Variants in NT5DC3 observed in about 807,000 individuals in gnomAD.
NT5DC3 encodes 5'-nucleotidase domain-containing protein 3.
A neutral mutation model predicts 67.8 loss-of-function variants in NT5DC3; 42 were observed. The observed-to-expected ratio is 0.62, with a 90% CI of 0.48 to 0.80. NT5DC3 has a LOEUF of 0.80. Ranked by LOEUF, NT5DC3 falls within the 30% of genes least tolerant of loss-of-function variation. The pLI is 0.00. For missense variants in NT5DC3, 570 were observed against 696.4 expected, an observed-to-expected ratio of 0.82 and a Z score of 2.04; for synonymous variants, 237 against 255.6, an observed-to-expected ratio of 0.93 and a Z score of 0.69.
At chr12:103,747,325 A>T in the NT5DC3 span, among the ~76,000 whole-genome samples, 1 of 152,168 alleles carries the variant, frequency 6.6e-6, no homozygotes, top group Non-Finnish European at 1.5e-5. Flanking sequence ...GGCATAAATA[A>T]GGCAGATGTT....
chr12:103,780,929 T>C (rs1885523174), intron 12 of NT5DC3, among the ~76,000 whole-genome samples: 1 of 152,186 alleles, frequency 6.6e-6, no homozygotes. Flanking sequence ...AGTAGAATTA[T>C]AAATAAACCT....
Position 103,797,109 on chromosome 12 carries a change from A to G in NT5DC3, c.616-78T>C. ...AGAGCCACGAAGCACCAGGAACAGC[A>G]GGAAGCCTTTTCCGTGACTAAACGA... is the stretch of plus-strand genomic sequence containing the variant. On this transcript the variant is annotated intron_variant, in intron 5 of 13. Transcript: ENST00000392876. The G allele has an allele frequency of 4.0e-6, 6 of 1,505,310 alleles. No homozygotes were observed. The South Asian group carries it at 5.7e-5, about 14-fold the overall frequency. 93.2% of individuals were successfully genotyped at this position (1,505,310 alleles called of 1,614,324 possible).
At chr12:103,783,060 C>T (rs1885625311) in intron 12 of NT5DC3, among the ~76,000 whole-genome samples, 1 of 152,068 alleles carries the variant, frequency 6.6e-6, no homozygotes, top group South Asian at 2.1e-4. Flanking sequence ...TCTCAGAGGA[C>T]CAATTTTTCT....
intron 12 of NT5DC3, among the ~76,000 whole-genome samples, chr12:103,780,936 A>G (rs1019230123): frequency 6.6e-6 from 1 of 152,142 alleles, no homozygotes; most frequent in Non-Finnish European, 1.5e-5. Flanking sequence ...TTATAAATAA[A>G]CCTTTTAATT....
At chr12:103,799,384 T>A (rs1886462458) in intron 4 of NT5DC3, among the ~76,000 whole-genome samples, 1 of 152,158 alleles carries the variant, frequency 6.6e-6, no homozygotes, top group African/African-American at 2.4e-5. Flanking sequence ...GTTTCCCCCA[T>A]GCTATTCTCA....
the NT5DC3 span, chr12:103,762,501 C>A: frequency 6.4e-7 from 1 of 1,573,614 alleles, no homozygotes; most frequent in East Asian, 2.2e-5. Context: ...AGAGTCCTCA[C>A]CCAGAAGCAG....
the NT5DC3 span, chr12:103,761,439 C>G: frequency 6.3e-7 from 1 of 1,594,988 alleles, no homozygotes; most frequent in Admixed American, 1.7e-5. Flanking sequence ...TGATAACGGG[C>G]CAGGAGGAGC....
At chr12:103,748,584 C>CCA in the NT5DC3 span, among the ~76,000 whole-genome samples, 519 of 141,700 alleles carry the variant, frequency 3.7e-3, 9 homozygotes, top group South Asian at 9.8e-3. Flanking sequence ...TAACTCTACA[C>CCA]CACACACACA....
At chr12:103,761,273 C>T in the NT5DC3 span, 2 of 1,602,968 alleles carry the variant, frequency 1.2e-6, no homozygotes, top group Admixed American at 3.3e-5. Flanking sequence ...AGAGTAAAAG[C>T]CATCAACCCT....
chr12:103,812,347 T>C (rs1352523009), intron 2 of NT5DC3, among the ~76,000 whole-genome samples: 1 of 152,262 alleles, frequency 6.6e-6, no homozygotes, highest in East Asian at 1.9e-4. Flanking sequence ...AAGAGAAAAA[T>C]TTGCGTAAGC....
At chr12:103,812,184 G>A (rs1887062021) in intron 2 of NT5DC3, among the ~76,000 whole-genome samples, 1 of 152,138 alleles carries the variant, frequency 6.6e-6, no homozygotes, top group South Asian at 2.1e-4. Flanking sequence ...TTGCTTTTTG[G>A]AGAGATACTA....
chr12:103,753,448 TCAAG>T, the NT5DC3 span: 2 of 1,558,360 alleles, frequency 1.3e-6, no homozygotes, highest in Non-Finnish European at 1.8e-6. Flanking sequence ...GCTGTTGCCT[TCAAG>T]CAAGGGAGTG....
rs1029161614 is a variant in NT5DC3, at chr12:103,806,302, G to A, written c.524+20C>T. 1 of 1,539,662 alleles carries A rather than the reference G, an allele frequency of 6.5e-7. No homozygotes were observed. Among genetic ancestry groups the A allele is most frequent in the African/African-American group, 1.4e-5 (1 of 73,322 alleles). On this transcript the variant is annotated intron_variant, in intron 4 of 13. Coordinates refer to ENST00000392876, the MANE Select transcript of NT5DC3 (RefSeq NM_001031701.3). Reference sequence around the variant, plus strand: ...CCTGGTTACTTCACGTAAATTAAATGTATCTCCTCTTACTCTTACCTGTAG... The same window carrying A: ...CCTGGTTACTTCACGTAAATTAAATATATCTCCTCTTACTCTTACCTGTAG...
chr12:103,786,186 C>T (rs1885764078), intron 11 of NT5DC3, among the ~76,000 whole-genome samples: 1 of 151,940 alleles, frequency 6.6e-6, no homozygotes, highest in Non-Finnish European at 1.5e-5. Flanking sequence ...TACACAATGG[C>T]AGGTGGGGAT....
chr12:103,805,063 A>AT (rs1886741981), intron 4 of NT5DC3, among the ~76,000 whole-genome samples: 1 of 151,984 alleles, frequency 6.6e-6, no homozygotes, highest in Admixed American at 6.5e-5. Flanking sequence ...ATAACAAAAA[A>AT]AAAAAAAAAG....
chr12:103,750,830 C>G, the NT5DC3 span: 1 of 1,393,862 alleles, frequency 7.2e-7, no homozygotes, highest in Admixed American at 2.7e-5. Context: ...GTGGCTCAAG[C>G]CTGTAATCCC....
chr12:103,770,571 G>C (rs997890053), downstream of NT5DC3: 10 of 152,034 alleles, frequency 6.6e-5, no homozygotes, highest in African/African-American at 2.4e-4. Context: ...AGTAGCTGCT[G>C]CTATAGGCAC....
Position 103,786,847 on chromosome 12 carries a change from T to C in NT5DC3, c.1188+594A>G, listed in dbSNP as rs545603896. 5.9e-5 allele frequency among the ~76,000 whole-genome samples: 9 copies of C among 152,196 alleles called. No individual in the cohort carries two copies. In the South Asian group the frequency reaches 1.9e-3, roughly 32 times the overall value. ...ACAGGCGTGTGCTACCACGCCCAGA[T>C]AATTTTTGTATTTTTAGTAGAGACA... On this transcript the variant is annotated intron_variant, in intron 11 of 13. Transcript: ENST00000392876.
intron 4 of NT5DC3, among the ~76,000 whole-genome samples, chr12:103,800,979 G>T (rs531949838): frequency 6.6e-6 from 1 of 152,224 alleles, no homozygotes; most frequent in East Asian, 1.9e-4. Flanking sequence ...AAGCACTATA[G>T]AGAGGCTTCA....
Sources: allele counts gnomAD v4.1 joint callset (sites outside exome capture counted in the v4.1 genomes callset), GRCh38; gene constraint gnomAD v4.1.1; transcripts MANE v1.5; gene names NCBI Gene and HGNC (gene_info 2026-07-23, HGNC 2026-07-21).